NDUFAF6: variants seen among roughly 807,000 people sequenced by gnomAD.
The protein encoded by NDUFAF6 is NADH dehydrogenase (ubiquinone) complex I, assembly factor 6.
Under a neutral mutation model 40.8 loss-of-function variants are expected in NDUFAF6, and 45 were observed. The observed-to-expected ratio is 1.10, with a 90% confidence interval of 0.87 to 1.42. The LOEUF (loss-of-function observed/expected upper bound fraction) is 1.42, where lower values mean the gene tolerates loss of function less well. Among genes scored for constraint, NDUFAF6 ranks in the 40% most tolerant of loss-of-function variants. NDUFAF6 has a pLI of 0.00. For missense variants in NDUFAF6, 435 were observed against 418.5 expected, an observed-to-expected ratio of 1.04 and a Z score of -0.34; for synonymous variants, 185 against 155.9, an observed-to-expected ratio of 1.19 and a Z score of -1.39.
At chr8:94,957,579 A>C (rs1823188554), upstream of NDUFAF6, among the ~76,000 whole-genome samples, 2 of 152,212 alleles carry the variant, frequency 1.3e-5, no homozygotes, top group Admixed American at 6.5e-5. Context: ...GCCAGATACA[A>C]TGAGAACAGT....
chr8:94,944,444 G>C (rs1821815916), intron 1 of NDUFAF6, among the ~76,000 whole-genome samples: 1 of 152,234 alleles, frequency 6.6e-6, no homozygotes, highest in South Asian at 2.1e-4. Context: ...TGGAATATAT[G>C]CAAGTAGCAA....
intron 1 of NDUFAF6, among the ~76,000 whole-genome samples, chr8:94,944,967 G>C (rs913936061): frequency 2.0e-5 from 3 of 152,196 alleles, no homozygotes; most frequent in African/African-American, 7.2e-5. Flanking sequence ...AGCTATTGGA[G>C]AGACCCTCCC....
At chr8:94,918,957 G>A (rs1478817376) in intron 1 of NDUFAF6, among the ~76,000 whole-genome samples, 1 of 152,128 alleles carries the variant, frequency 6.6e-6, no homozygotes, top group Non-Finnish European at 1.5e-5. Context: ...AAGCAACTTT[G>A]GGACACATTC....
intron 1 of NDUFAF6, among the ~76,000 whole-genome samples, chr8:94,911,149 T>C (rs1818753511): frequency 6.6e-6 from 1 of 152,166 alleles, no homozygotes; most frequent in Admixed American, 6.5e-5. Flanking sequence ...GGGGAGGAGA[T>C]ATTAACACGT....
Position 94,903,797 on chromosome 8 carries a change from C to T in NDUFAF6, c.-936+7870C>T, listed in dbSNP as rs185851057. On this transcript the variant is annotated intron_variant, in intron 1 of 14. Transcript: ENST00000396113. ...GTTGGTAACTTGTTAGTTTTTAAGG[C>T]GCTGTTTCTGAACTATTTACTCACT... is the stretch of plus-strand genomic sequence containing the variant. 2.6e-5 allele frequency among the ~76,000 whole-genome samples: 4 copies of T among 152,262 alleles called. No homozygotes were observed. The East Asian group carries it at 5.8e-4, about 22-fold the overall frequency.
At chr8:95,104,811 C>G (rs59829941), downstream of NDUFAF6, among the ~76,000 whole-genome samples, 2 of 152,074 alleles carry the variant, frequency 1.3e-5, no homozygotes, top group Non-Finnish European at 2.9e-5. Context: ...ACCTGACCCT[C>G]GAGCAGCACT....
chr8:94,940,367 G>C (rs1008333651), intron 1 of NDUFAF6: 3 of 911,126 alleles, frequency 3.3e-6, no homozygotes, highest in African/African-American at 3.3e-5. Flanking sequence ...TGATGCTCAC[G>C]TATCTTCTTT....
chr8:94,997,315 C>T (rs944452631), intron 2 of NDUFAF6, among the ~76,000 whole-genome samples: 1 of 133,112 alleles, frequency 7.5e-6, no homozygotes, highest in African/African-American at 2.7e-5. Context: ...CACACACACA[C>T]ACACACACAC....
chr8:95,068,634 C>T (rs1005724309), intron 9 of NDUFAF6: 3 of 151,908 alleles, frequency 2.0e-5, no homozygotes, highest in East Asian at 1.9e-4. Context: ...TTCAAGGCCC[C>T]TTTTGTTCTC....
intron 2 of NDUFAF6, among the ~76,000 whole-genome samples, chr8:95,003,795 T>C (rs1826841039): frequency 6.6e-6 from 1 of 152,258 alleles, no homozygotes; most frequent in Non-Finnish European, 1.5e-5. Context: ...TTTATTGTGG[T>C]AAAATACATA....
At chr8:95,115,043 T>C (rs1810100232) in intron 4 of NDUFAF6, among the ~76,000 whole-genome samples, 2 of 126,174 alleles carry the variant, frequency 1.6e-5, no homozygotes, top group Non-Finnish European at 3.2e-5. Context: ...GCCTGGGGGA[T>C]AGAGCGAGAC....
chr8:94,980,616 G>GT lies in NDUFAF6; in HGVS notation c.-198-234dup, dbSNP rs1338478668. The stretch of plus-strand genomic sequence containing the variant: ...CTGTCACCACAACTGGCTAATTTTT[G>GT]TTTTTTTTTAGTAGGGGGGTGGGGG... On this transcript the variant is annotated intron_variant, in intron 1 of 9. Transcript: ENST00000396111. Among the ~76,000 whole-genome samples, 108 of 78,428 alleles carry GT rather than the reference G, an allele frequency of 1.4e-3. No homozygotes were observed. The East Asian group carries it at 0.03, about 22-fold the overall frequency. 51.5% of individuals were successfully genotyped at this position (78,428 alleles called of 152,430 possible). A position where few individuals can be genotyped will look rare whatever the true frequency, so the allele number is the denominator to read the frequency against.
chr8:94,951,379 GATC>G (rs1487625276), intron 2 of NDUFAF6: 2 of 152,188 alleles, frequency 1.3e-5, no homozygotes, highest in Non-Finnish European at 2.9e-5. Flanking sequence ...ACAAATAAAT[GATC>G]ATTGTTTTAA....
At chr8:95,017,928 C>T (rs757490953) in intron 2 of NDUFAF6, among the ~76,000 whole-genome samples, 1 of 152,190 alleles carries the variant, frequency 6.6e-6, no homozygotes, top group Non-Finnish European at 1.5e-5. Context: ...CACTGCTCAT[C>T]TTGGTTTTTC....
intron 2 of NDUFAF6, among the ~76,000 whole-genome samples, chr8:95,090,628 G>A (rs1243416749): frequency 6.6e-6 from 1 of 152,168 alleles, no homozygotes; most frequent in Non-Finnish European, 1.5e-5. Context: ...TTTAATACTA[G>A]GAGGGTGTGA....
In NDUFAF6 at chr8:94,900,635, C is replaced by T. The variant is rs370129002; in HGVS notation, c.-936+4708C>T. Among the ~76,000 whole-genome samples the T allele has an allele frequency of 1.3e-4, 20 of 152,120 alleles. No homozygotes were observed. In the East Asian group the frequency reaches 1.4e-3, roughly 10 times the overall value. On this transcript the variant is annotated intron_variant, in intron 1 of 14. Coordinates refer to the NDUFAF6 transcript ENST00000396113. The stretch of plus-strand genomic sequence containing the variant: ...AGAAGCTCTGGGAGGTTGGAGTAGG[C>T]GGGAGGGCACAGAGTGCTCTGGGCG...
upstream of NDUFAF6, among the ~76,000 whole-genome samples, chr8:95,096,951 A>G (rs1809482431): frequency 6.6e-6 from 1 of 152,216 alleles, no homozygotes; most frequent in East Asian, 1.9e-4. Context: ...AATTTCAGAG[A>G]GGAGACCTCC....
At chr8:95,092,891 C>T (rs1258078424) in intron 2 of NDUFAF6, among the ~76,000 whole-genome samples, 1 of 152,194 alleles carries the variant, frequency 6.6e-6, no homozygotes, top group Non-Finnish European at 1.5e-5. Flanking sequence ...CCTGCTGAAG[C>T]CTTTTAAGGG....
At chr8:94,909,348 C>CAAAAAAAAAAAAAAAA (rs556065794) in intron 1 of NDUFAF6, among the ~76,000 whole-genome samples, 5 of 91,914 alleles carry the variant, frequency 5.4e-5, no homozygotes, top group Non-Finnish European at 8.0e-5. Flanking sequence ...GACTCCGTCT[C>CAAAAAAAAAAAAAAAA]AAAAAAAAAA....
Sources: allele counts gnomAD v4.1 joint callset (sites outside exome capture counted in the v4.1 genomes callset), GRCh38; gene constraint gnomAD v4.1.1; transcripts MANE v1.5; gene names NCBI Gene and HGNC (gene_info 2026-07-23, HGNC 2026-07-21).